Variants in CCR5AS observed in about 807,000 individuals in gnomAD.
CCR5AS encodes the protein CCR5 antisense RNA.
At chr3:46,377,956 C>T (rs988219289) in intron 2 of CCR5AS, among the ~76,000 whole-genome samples, 6 of 152,126 alleles carry the variant, frequency 3.9e-5, no homozygotes, top group South Asian at 2.1e-4. Context: ...CTGCCCGCCT[C>T]GGCCTCCCAC....
intron 2 of CCR5AS, among the ~76,000 whole-genome samples, chr3:46,389,230 A>G (rs1432129302): frequency 1.3e-5 from 2 of 152,200 alleles, no homozygotes; most frequent in African/African-American, 2.4e-5. Flanking sequence ...TAAGGGAAGT[A>G]GGGGTGAGTA....
At chr3:46,392,556 G>A (rs977128503) in intron 2 of CCR5AS, among the ~76,000 whole-genome samples, 1 of 152,202 alleles carries the variant, frequency 6.6e-6, no homozygotes, top group Non-Finnish European at 1.5e-5. Flanking sequence ...CCAAGGGAAT[G>A]TGGGTGAATG....
chr3:46,406,657 T>A (rs1312484469), intron 1 of CCR5AS, among the ~76,000 whole-genome samples: 1 of 151,960 alleles, frequency 6.6e-6, no homozygotes, highest in Non-Finnish European at 1.5e-5. Context: ...TGGGGTCAGC[T>A]CCCCCATGAG....
intron 2 of CCR5AS, among the ~76,000 whole-genome samples, chr3:46,391,894 G>A (rs987093230): frequency 6.6e-5 from 10 of 152,178 alleles, no homozygotes; most frequent in Non-Finnish European, 1.2e-4. Flanking sequence ...AGAGCTTGGG[G>A]TGGAGACTGA....
intron 3 of CCR5AS, chr3:46,370,735 A>G (rs1206803716): frequency 6.6e-6 from 1 of 152,220 alleles, no homozygotes; most frequent in Non-Finnish European, 1.5e-5. Context: ...AACAAAAACA[A>G]AATAATCCAG....
chr3:46,405,603 G>T (rs1407292859), intron 1 of CCR5AS, among the ~76,000 whole-genome samples: 1 of 152,062 alleles, frequency 6.6e-6, no homozygotes, highest in Non-Finnish European at 1.5e-5. Flanking sequence ...GCTGTAGGGG[G>T]TGGGAAGAGT....
intron 2 of CCR5AS, among the ~76,000 whole-genome samples, chr3:46,381,824 T>C (rs1437123405): frequency 6.6e-6 from 1 of 152,244 alleles, no homozygotes; most frequent in Non-Finnish European, 1.5e-5. Flanking sequence ...AAAGTCAGAC[T>C]GACTCGAGTT....
At chr3:46,401,393 A>AAGAAGTAT (rs1201721506) in intron 1 of CCR5AS, among the ~76,000 whole-genome samples, 1 of 152,234 alleles carries the variant, frequency 6.6e-6, no homozygotes, top group Non-Finnish European at 1.5e-5. Flanking sequence ...TCTGGCATAC[A>AAGAAGTAT]AGAAGTATAA....
chr3:46,401,744 T>C (rs1483897449), intron 1 of CCR5AS, among the ~76,000 whole-genome samples: 7 of 150,674 alleles, frequency 4.6e-5, no homozygotes, highest in Non-Finnish European at 8.9e-5. Flanking sequence ...CACAGTAATA[T>C]TTATTTATTA....
chr3:46,377,712 CTT>C (rs952969823), intron 2 of CCR5AS, among the ~76,000 whole-genome samples: 1 of 145,780 alleles, frequency 6.9e-6, no homozygotes, highest in Admixed American at 6.9e-5. Flanking sequence ...ATGAACTTTC[CTT>C]TTTTTTTTTG....
At chr3:46,377,399 A>G (rs1192673363) in intron 2 of CCR5AS, among the ~76,000 whole-genome samples, 1 of 152,208 alleles carries the variant, frequency 6.6e-6, no homozygotes, top group East Asian at 1.9e-4. Flanking sequence ...CATGCCATGG[A>G]TAAAGTCAAA....
chr3:46,406,772 C>T (rs909322929), intron 1 of CCR5AS: 1 of 152,996 alleles, frequency 6.5e-6, no homozygotes, highest in African/African-American at 2.4e-5. Context: ...CCACCTCTGC[C>T]CCTGGCCTTT....
At chr3:46,406,779 CT>C in intron 1 of CCR5AS, 1 of 153,062 alleles carries the variant, frequency 6.5e-6, no homozygotes, top group Non-Finnish European at 1.5e-5. Context: ...TGCCCCTGGC[CT>C]TTTCCCAGCT....
At chr3:46,404,317 CTCTCTCTCTCTT>C (rs1447863655) in intron 1 of CCR5AS, among the ~76,000 whole-genome samples, 92 of 88,432 alleles carry the variant, frequency 1.0e-3, no homozygotes, top group Non-Finnish European at 1.7e-3. Flanking sequence ...CTCTCTCTCT[CTCTCTCTCTCTT>C]TTTTTTTTTT....
intron 2 of CCR5AS, among the ~76,000 whole-genome samples, chr3:46,383,193 T>G (rs1701830770): frequency 6.6e-6 from 1 of 152,134 alleles, no homozygotes. Flanking sequence ...TTGTAAGTAA[T>G]GGATGGAAAG....
rs144255721 is a variant in CCR5AS at position 46,371,262 on chromosome 3, G to T, written n.547C>A. 7.2e-5 allele frequency: 11 copies of T among 152,272 alleles called. No homozygotes were observed. The East Asian group carries it at 2.1e-3, about 29-fold the overall frequency. 9.4% of individuals were successfully genotyped at this position (152,272 alleles called of 1,614,324 possible). The stretch of plus-strand genomic sequence containing the variant: ...TCCTTACCTCTCAAAAGAAAGATTT[G>T]CAGAGAGATGAGTCTTAGCTGAAAT... On this transcript the variant is annotated non_coding_transcript_exon_variant, in exon 3 of 4. Coordinates refer to ENST00000451485, the Ensembl canonical transcript of CCR5AS.
chr3:46,400,793 G>A (rs1302941335), intron 1 of CCR5AS, among the ~76,000 whole-genome samples: 1 of 152,198 alleles, frequency 6.6e-6, no homozygotes, highest in Non-Finnish European at 1.5e-5. Context: ...GGCAGTCAGT[G>A]GATGATAGCA....
chr3:46,373,198 C>T (rs1307108422), intron 2 of CCR5AS: 2 of 1,614,182 alleles, frequency 1.2e-6, no homozygotes, highest in Non-Finnish European at 1.7e-6. Flanking sequence ...TTTGGAAATA[C>T]AATGTGTCAA....
chr3:46,372,002 T>C (rs1248544531), intron 2 of CCR5AS, among the ~76,000 whole-genome samples: 11 of 152,204 alleles, frequency 7.2e-5, no homozygotes, highest in Admixed American at 7.2e-4. Flanking sequence ...GCTTACTAGC[T>C]GTGTGGCTTT....
Sources: allele counts gnomAD v4.1 joint callset (sites outside exome capture counted in the v4.1 genomes callset), GRCh38; gene constraint gnomAD v4.1.1; transcripts MANE v1.5; gene names NCBI Gene and HGNC (gene_info 2026-07-23, HGNC 2026-07-21).